The following GALNT13 variants were observed in gnomAD, a reference collection of about 807,000 sequenced individuals.
The protein encoded by GALNT13 is UDP-GalNAc:polypeptide N-acetylgalactosaminyltransferase 13.
A neutral mutation model predicts 64.2 loss-of-function variants in GALNT13; 28 were observed. The observed-to-expected ratio is 0.44, with a 90% confidence interval of 0.32 to 0.60. The LOEUF (loss-of-function observed/expected upper bound fraction) is 0.60. GALNT13 is among the 20% of genes least tolerant of loss of function. The pLI, the probability that GALNT13 is intolerant of heterozygous loss-of-function variation, is 0.05. For synonymous variants in GALNT13, 214 were observed against 224.6 expected, an observed-to-expected ratio of 0.95 and a Z score of 0.42; for missense variants, 577 against 669.8, an observed-to-expected ratio of 0.86 and a Z score of 1.53.
At chr2:154,408,194 T>A (rs1229572774) in intron 10 of GALNT13, among the ~76,000 whole-genome samples, 1 of 152,140 alleles carries the variant, frequency 6.6e-6, no homozygotes, top group African/African-American at 2.4e-5. Flanking sequence ...ATTCATTTGT[T>A]CTTGATTCAG....
the GALNT13 span, among the ~76,000 whole-genome samples, chr2:153,552,352 A>ACC: frequency 6.6e-6 from 1 of 152,158 alleles, no homozygotes; most frequent in African/African-American, 2.4e-5. Context: ...GATCCAGGAG[A>ACC]GAGGAACAAA....
At chr2:153,841,446 C>A in the GALNT13 span, among the ~76,000 whole-genome samples, 203 of 152,202 alleles carry the variant, frequency 1.3e-3, no homozygotes, top group African/African-American at 4.8e-3. Context: ...GTAAAGTTGA[C>A]TTTGAGTTAA....
At chr2:153,105,432 A>C in the GALNT13 span, among the ~76,000 whole-genome samples, 543 of 152,232 alleles carry the variant, frequency 3.6e-3, 3 homozygotes, top group African/African-American at 0.012. Flanking sequence ...AATGGACAAA[A>C]ACTGGAAGCA....
intron 4 of GALNT13, among the ~76,000 whole-genome samples, chr2:154,231,513 A>G (rs566652297): frequency 6.3e-4 from 96 of 152,094 alleles, no homozygotes; most frequent in African/African-American, 2.2e-3. Context: ...TTATTCAAAA[A>G]TGGTAAAGAA....
At chr2:154,141,758 G>T (rs1271105713) in intron 4 of GALNT13, among the ~76,000 whole-genome samples, 1 of 152,096 alleles carries the variant, frequency 6.6e-6, no homozygotes. Context: ...TATAAAAGTG[G>T]TTTATTATGG....
chr2:153,075,583 C>A, the GALNT13 span, among the ~76,000 whole-genome samples: 1 of 152,102 alleles, frequency 6.6e-6, no homozygotes, highest in African/African-American at 2.4e-5. Context: ...TATATAGTTA[C>A]ACTATCAATT....
In GALNT13 at chr2:154,452,870, A is replaced by C. The variant is rs891746181; in HGVS notation, c.*2319A>C. 1.3e-5 allele frequency: 2 copies of C among 152,200 alleles called. No homozygotes were observed. Among genetic ancestry groups the C allele is most frequent in the Non-Finnish European group, 2.9e-5 (2 of 68,038 alleles). The allele number at this position is 152,200 out of a possible 1,614,324, so 9.4% of individuals were successfully genotyped here. A position where few individuals can be genotyped will look rare whatever the true frequency, so the allele number is the denominator to read the frequency against. Reference sequence around the variant, plus strand: ...AAAACCATGATTGGATTCATAATGCACTTGTCTTATCCCTTATTTATGGAG... The same window carrying C: ...AAAACCATGATTGGATTCATAATGCCCTTGTCTTATCCCTTATTTATGGAG... On this transcript the variant is annotated 3_prime_UTR_variant, in exon 13 of 13. Coordinates refer to ENST00000392825, the MANE Select transcript of GALNT13 (RefSeq NM_052917.4).
chr2:154,015,822 G>T (rs1415274190), intron 3 of GALNT13, among the ~76,000 whole-genome samples: 1 of 152,024 alleles, frequency 6.6e-6, no homozygotes, highest in East Asian at 1.9e-4. Context: ...TGCCTAAAAA[G>T]AAAATCTACG....
the GALNT13 span, among the ~76,000 whole-genome samples, chr2:153,456,221 G>A: frequency 6.6e-6 from 1 of 152,196 alleles, no homozygotes; most frequent in Non-Finnish European, 1.5e-5. Context: ...TTTGGCTTGA[G>A]GGTGGAGTTT....
At chr2:154,092,477 A>G (rs1701865133) in intron 3 of GALNT13, among the ~76,000 whole-genome samples, 1 of 152,052 alleles carries the variant, frequency 6.6e-6, no homozygotes, top group Non-Finnish European at 1.5e-5. Context: ...ACCCAATTTG[A>G]AATGTGTACT....
chr2:154,210,870 A>C lies in GALNT13; in HGVS notation c.312-31160A>C, dbSNP rs75302327. Among the ~76,000 whole-genome samples, 894 of 152,280 alleles carry C rather than the reference A, an allele frequency of 5.9e-3. 11 individuals carry two copies. The highest frequency in any genetic ancestry group is 0.02 in the African/African-American group (837 of 41,560). On this transcript the variant is annotated intron_variant, in intron 4 of 12. Coordinates refer to ENST00000392825, the MANE Select transcript of GALNT13 (RefSeq NM_052917.4). ...TGGAATCAAGATATATTTAGGGAGT[A>C]GATTTGATAGTTGGGAGGTGGACGC...
At chr2:154,239,869 A>G (rs1689389683) in intron 4 of GALNT13, among the ~76,000 whole-genome samples, 1 of 152,188 alleles carries the variant, frequency 6.6e-6, no homozygotes, top group African/African-American at 2.4e-5. Context: ...CTTAACTGGC[A>G]CACAATCAAG....
At chr2:154,112,904 G>A (rs1703068287) in intron 3 of GALNT13, among the ~76,000 whole-genome samples, 1 of 152,158 alleles carries the variant, frequency 6.6e-6, no homozygotes, top group Non-Finnish European at 1.5e-5. Context: ...CAGACCATGG[G>A]CATTTGAGCC....
At chr2:153,669,697 G>C in the GALNT13 span, among the ~76,000 whole-genome samples, 30 of 152,234 alleles carry the variant, frequency 2.0e-4, no homozygotes, top group East Asian at 5.4e-3. Flanking sequence ...CACAGAGGGA[G>C]AGCCAAAGCA....
intron 4 of GALNT13, among the ~76,000 whole-genome samples, chr2:154,187,752 C>A (rs1032424167): frequency 1.3e-5 from 2 of 152,010 alleles, no homozygotes; most frequent in African/African-American, 4.8e-5. Flanking sequence ...AGAAAGGCAA[C>A]TAATTTACTG....
the GALNT13 span, among the ~76,000 whole-genome samples, chr2:153,222,336 G>GGGGGGGGGT: frequency 2.6e-5 from 1 of 38,300 alleles, no homozygotes; most frequent in African/African-American, 8.8e-5. Flanking sequence ...GTGGGGTGGG[G>GGGGGGGGGT]GGGGGGGTTG....
At chr2:154,066,361 G>C (rs1016691444) in intron 3 of GALNT13, among the ~76,000 whole-genome samples, 10 of 152,046 alleles carry the variant, frequency 6.6e-5, no homozygotes, top group Admixed American at 4.6e-4. Context: ...AAAGATATCA[G>C]TATTCAAGTA....
intron 9 of GALNT13, among the ~76,000 whole-genome samples, chr2:154,383,067 T>G (rs1312446708): frequency 6.6e-6 from 1 of 151,942 alleles, no homozygotes; most frequent in East Asian, 1.9e-4. Context: ...TGAGGTATAG[T>G]ATGCTGCTCA....
At chr2:153,071,987 C>T in the GALNT13 span, among the ~76,000 whole-genome samples, 5 of 152,234 alleles carry the variant, frequency 3.3e-5, no homozygotes, top group African/African-American at 4.8e-5. Flanking sequence ...GTAACTAGCT[C>T]GTCTCTGTTT....
Sources: gnomAD v4.1 joint callset for allele counts (sites outside exome capture counted in the v4.1 genomes callset) on GRCh38, gnomAD v4.1.1 for gene constraint, MANE v1.5 for transcripts, NCBI Gene and HGNC (gene_info 2026-07-23, HGNC 2026-07-21) for gene names.